PEX14: variants seen among roughly 807,000 people sequenced by gnomAD.
PEX14 encodes peroxisomal biogenesis factor 14, also known as peroxisomal membrane protein PEX14.
In PEX14, 15 loss-of-function variants were observed where a neutral mutation model predicts 49.5. The observed-to-expected ratio is 0.30, with a 90% CI of 0.20 to 0.47. The LOEUF (loss-of-function observed/expected upper bound fraction) is 0.47. PEX14 is among the 20% of genes least tolerant of loss of function. PEX14 has a pLI of 1.00. For synonymous variants in PEX14, 210 were observed against 212.7 expected (o/e 0.99, Z 0.11); for missense variants, 398 against 494.8 (o/e 0.80, Z 1.86).
chr1:10,496,997 C>T (rs370528023), intron 2 of PEX14, among the ~76,000 whole-genome samples: 3 of 151,622 alleles, frequency 2.0e-5, no homozygotes, highest in African/African-American at 7.3e-5. Context: ...AAAAAACCCC[C>T]GAAATAAACT....
chr1:10,527,222 A>T (rs974450530), intron 2 of PEX14, among the ~76,000 whole-genome samples: 3 of 151,008 alleles, frequency 2.0e-5, no homozygotes, highest in African/African-American at 7.3e-5. Flanking sequence ...AAAAAAAAAA[A>T]AAAAGAAAAT....
At chr1:10,562,127 T>A (rs1370240476) in intron 3 of PEX14, among the ~76,000 whole-genome samples, 1 of 152,158 alleles carries the variant, frequency 6.6e-6, no homozygotes, top group Non-Finnish European at 1.5e-5. Context: ...TCTTTAGCAA[T>A]CCCTTCATCT....
At chr1:10,599,204 G>A (rs771277533) in intron 3 of PEX14, 34 bp from the exon 4 acceptor site, 1 of 1,611,934 alleles carries the variant, frequency 6.2e-7, no homozygotes, top group Admixed American at 1.7e-5. Context: ...CTGACAAAAG[G>A]TACTCACCTG....
chr1:10,557,045 C>A (rs1639508836), intron 3 of PEX14, among the ~76,000 whole-genome samples: 1 of 151,996 alleles, frequency 6.6e-6, no homozygotes, highest in East Asian at 1.9e-4. Context: ...TTAGATTTTG[C>A]CTCTTCTCTC....
intron 4 of PEX14, among the ~76,000 whole-genome samples, chr1:10,600,120 T>C (rs1217967020): frequency 6.6e-6 from 1 of 152,246 alleles, no homozygotes; most frequent in East Asian, 1.9e-4. Flanking sequence ...TTTGTTTCTT[T>C]AATGAAACTC....
chr1:10,544,912 C>A (rs1283826494), intron 3 of PEX14, among the ~76,000 whole-genome samples: 1 of 152,088 alleles, frequency 6.6e-6, no homozygotes, highest in African/African-American at 2.4e-5. Flanking sequence ...CAGGCACACG[C>A]CACCAAACCC....
intron 1 of PEX14, among the ~76,000 whole-genome samples, chr1:10,482,421 CG>C (rs1021859548): frequency 8.0e-5 from 12 of 149,554 alleles, no homozygotes; most frequent in Admixed American, 2.7e-4. Context: ...TGAGCCCCTG[CG>C]GGTGGCCCAT....
At chr1:10,594,937 G>T (rs1640794438) in intron 3 of PEX14, among the ~76,000 whole-genome samples, 1 of 152,148 alleles carries the variant, frequency 6.6e-6, no homozygotes, top group South Asian at 2.1e-4. Flanking sequence ...ATAAAAATAG[G>T]CAAGTGTGGC....
chr1:10,629,913 G>T lies in PEX14; in HGVS notation c.1060G>T (p.Asp354Tyr). The change falls in exon 9 of 9, where the codon GAT becomes TAT. Residue 354 changes from aspartate to tyrosine, a missense_variant. Coordinates refer to ENST00000356607, the MANE Select transcript of PEX14 (RefSeq NM_004565.3). This position sits in a 1 kb window ranked among gnomAD's most constrained non-coding sequence, Gnocchi z 8.5. ...GVQREDRRGG[D>Y]GQINEQVEKL... ...GCAGAGGGAGGACCGCCGGGGCGGG[G>T]ATGGGCAGATCAACGAGCAGGTGGA... 1.2e-6 allele frequency: 2 copies of T among 1,613,402 alleles called. No individual in the cohort carries two copies. Among genetic ancestry groups the T allele is most frequent in the Non-Finnish European group, 1.7e-6 (2 of 1,179,868 alleles).
chr1:10,495,394 T>C lies in PEX14; in HGVS notation c.84+73T>C, dbSNP rs1269078270. 2 of 1,225,512 alleles carry C rather than the reference T, an allele frequency of 1.6e-6. No individual in the cohort carries two copies. Among genetic ancestry groups the C allele is most frequent in the Non-Finnish European group, 1.2e-6 (1 of 839,624 alleles). 75.9% of individuals were successfully genotyped at this position (1,225,512 alleles called of 1,614,324 possible). ...ACGCGAGTGAAAAGAAACCTTCTGT[T>C]CCTATGGTTCTGCGTCAGTAGTGTC... On this transcript the variant is annotated intron_variant, in intron 2 of 8. Transcript: ENST00000356607. The surrounding 1 kb of genome is among the most constrained non-coding windows in gnomAD (Gnocchi z 4.2).
rs1038626144 is a variant in PEX14 at position 10,495,433 on chromosome 1, C to A, written c.84+112C>A. On this transcript the variant is annotated intron_variant, in intron 2 of 8. Coordinates refer to ENST00000356607, the MANE Select transcript of PEX14 (RefSeq NM_004565.3). This position sits in a 1 kb window ranked among gnomAD's most constrained non-coding sequence, Gnocchi z 4.2. ...GTCAGTAGTGTCCCTTTAAAAGTAGCTGTTACCTAGAGACTGCCTCTGTCA... is the reference window on the plus strand; with the variant it reads ...GTCAGTAGTGTCCCTTTAAAAGTAGATGTTACCTAGAGACTGCCTCTGTCA... 1 of 861,672 alleles carries A rather than the reference C, an allele frequency of 1.2e-6. No individual in the cohort carries two copies. Among genetic ancestry groups the A allele is most frequent in the Non-Finnish European group, 1.9e-6 (1 of 523,902 alleles). The allele number at this position is 861,672 out of a possible 1,614,324, so 53.4% of individuals were successfully genotyped here.
chr1:10,622,453 G>A (rs1487824330), intron 5 of PEX14, among the ~76,000 whole-genome samples: 2 of 152,316 alleles, frequency 1.3e-5, no homozygotes, highest in Middle Eastern at 3.4e-3. Context: ...ATCCCCTGGC[G>A]AGAGAACCAA....
intron 1 of PEX14, among the ~76,000 whole-genome samples, chr1:10,483,716 A>G (rs1641321558): frequency 1.3e-5 from 2 of 151,304 alleles, no homozygotes; most frequent in Admixed American, 1.3e-4. Flanking sequence ...TGTTGTGATC[A>G]GTTTGAGTTT....
chr1:10,620,782 G>A (rs940448454), intron 5 of PEX14, among the ~76,000 whole-genome samples: 1 of 152,252 alleles, frequency 6.6e-6, no homozygotes, highest in African/African-American at 2.4e-5. Flanking sequence ...GTGGGTGAAA[G>A]AGCGAGACTT....
intron 1 of PEX14, among the ~76,000 whole-genome samples, chr1:10,485,745 TATA>T (rs1641356237): frequency 6.6e-6 from 1 of 151,026 alleles, no homozygotes; most frequent in Non-Finnish European, 1.5e-5. Context: ...CTTGTTAACT[TATA>T]ATTCTAGTAG....
chr1:10,603,739 C>T (rs962550526), intron 4 of PEX14, among the ~76,000 whole-genome samples: 1 of 152,076 alleles, frequency 6.6e-6, no homozygotes, highest in Non-Finnish European at 1.5e-5. Flanking sequence ...CCAGAGAGAC[C>T]AAGAAGCTTT....
chr1:10,614,061 A>T (rs932974882), intron 4 of PEX14, among the ~76,000 whole-genome samples: 1 of 152,196 alleles, frequency 6.6e-6, no homozygotes, highest in Admixed American at 6.5e-5. Flanking sequence ...CTTGGAAAAA[A>T]TAGGCCCCAG....
At chr1:10,508,907 A>G (rs1254773103) in intron 2 of PEX14, among the ~76,000 whole-genome samples, 2 of 151,380 alleles carry the variant, frequency 1.3e-5, no homozygotes, top group Non-Finnish European at 2.9e-5. Flanking sequence ...GCTCCACTGC[A>G]GAGAGTGGCA....
At chr1:10,521,064 A>C (rs1638277969) in intron 2 of PEX14, among the ~76,000 whole-genome samples, 1 of 149,914 alleles carries the variant, frequency 6.7e-6, no homozygotes. Context: ...TATCCCCTTA[A>C]AGAAGTTTTC....
Sources: allele counts gnomAD v4.1 joint callset (sites outside exome capture counted in the v4.1 genomes callset), GRCh38; gene constraint gnomAD v4.1.1; non-coding constraint Gnocchi (gnomAD v3.1); transcripts MANE v1.5; gene names NCBI Gene and HGNC (gene_info 2026-07-23, HGNC 2026-07-21).